Variants in C12orf42 observed in about 807,000 individuals in gnomAD.
C12orf42 encodes the protein chromosome 12 open reading frame 42.
Under a neutral mutation model 21.6 loss-of-function variants are expected in C12orf42, and 25 were observed. The ratio of observed to expected loss-of-function variants is 1.16; its 90% CI spans 0.84 to 1.62. C12orf42 has a LOEUF of 1.62. C12orf42 is among the 40% of genes most tolerant of loss of function. The pLI is 0.00. For synonymous variants in C12orf42, 174 were observed against 175.0 expected, an observed-to-expected ratio of 0.99 and a Z score of 0.05; for missense variants, 483 against 459.3, an observed-to-expected ratio of 1.05 and a Z score of -0.47.
At chr12:103,091,368 TC>T in the C12orf42 span, among the ~76,000 whole-genome samples, 2 of 149,296 alleles carry the variant, frequency 1.3e-5, no homozygotes, top group East Asian at 3.9e-4. Context: ...TGAAGTTTTT[TC>T]CCCCTCTTGC....
the C12orf42 span, among the ~76,000 whole-genome samples, chr12:103,108,107 A>G: frequency 4.0e-5 from 6 of 151,202 alleles, no homozygotes; most frequent in Non-Finnish European, 7.4e-5. Context: ...TTCCCCAAAA[A>G]CCTATTAAAA....
At chr12:103,325,979 GTA>G (rs1190775931) in intron 4 of C12orf42, among the ~76,000 whole-genome samples, 5 of 152,216 alleles carry the variant, frequency 3.3e-5, no homozygotes, top group Non-Finnish European at 7.3e-5. Flanking sequence ...ACAAGAAAGA[GTA>G]CATTGTGCTC....
At chr12:103,422,878 C>G (rs1428603575) in intron 2 of C12orf42, among the ~76,000 whole-genome samples, 1 of 149,396 alleles carries the variant, frequency 6.7e-6, no homozygotes, top group African/African-American at 2.5e-5. Context: ...AAAAATAAAA[C>G]AATGCTCTCA....
intron 2 of C12orf42, among the ~76,000 whole-genome samples, chr12:103,449,832 G>A (rs1951826477): frequency 6.7e-6 from 1 of 149,896 alleles, no homozygotes; most frequent in Non-Finnish European, 1.5e-5. Context: ...ATTCACTCAA[G>A]TGAAAATGCA....
the C12orf42 span, among the ~76,000 whole-genome samples, chr12:103,161,092 G>A: frequency 2.6e-5 from 4 of 152,280 alleles, no homozygotes; most frequent in African/African-American, 9.6e-5. Context: ...GACGCAAAAC[G>A]TGTAATGGAT....
chr12:103,184,114 T>C, the C12orf42 span, among the ~76,000 whole-genome samples: 1 of 152,232 alleles, frequency 6.6e-6, no homozygotes, highest in African/African-American at 2.4e-5. Flanking sequence ...TTATTTTCTG[T>C]CTATTAATTC....
chr12:103,425,283 C>T (rs1405554232), intron 2 of C12orf42, among the ~76,000 whole-genome samples: 1 of 152,200 alleles, frequency 6.6e-6, no homozygotes, highest in African/African-American at 2.4e-5. Context: ...AACATTCCTG[C>T]CTGCCAGCTC....
At chr12:103,090,423 CA>C in the C12orf42 span, among the ~76,000 whole-genome samples, 1 of 152,122 alleles carries the variant, frequency 6.6e-6, no homozygotes, top group African/African-American at 2.4e-5. Flanking sequence ...CTTGCTCCAG[CA>C]CTTACTAGAT....
the C12orf42 span, among the ~76,000 whole-genome samples, chr12:103,067,208 G>T: frequency 6.6e-6 from 1 of 152,142 alleles, no homozygotes; most frequent in African/African-American, 2.4e-5. Context: ...TCCAGATATG[G>T]GTTTGCCTAT....
chr12:103,384,134 A>G (rs757524918), intron 3 of C12orf42, among the ~76,000 whole-genome samples: 1 of 152,220 alleles, frequency 6.6e-6, no homozygotes, highest in Non-Finnish European at 1.5e-5. Context: ...TAATTTTACA[A>G]GTACATAATT....
the C12orf42 span, among the ~76,000 whole-genome samples, chr12:103,066,767 G>T: frequency 5.3e-5 from 8 of 152,294 alleles, no homozygotes; most frequent in South Asian, 1.2e-3. Flanking sequence ...GGGAAGAGTG[G>T]ATGGACCTCT....
chr12:103,272,006 T>A (rs1439051806), intron 5 of C12orf42, among the ~76,000 whole-genome samples: 3 of 152,180 alleles, frequency 2.0e-5, no homozygotes, highest in Admixed American at 2.0e-4. Context: ...TGTTTCCTCA[T>A]CTATGAAATG....
At chr12:103,312,002 A>G (rs751290307) in intron 4 of C12orf42, among the ~76,000 whole-genome samples, 26 of 152,334 alleles carry the variant, frequency 1.7e-4, no homozygotes, top group Non-Finnish European at 3.1e-4. Flanking sequence ...CTCCTCAGGT[A>G]TCTTTCTATC....
At chr12:103,404,493 C>T (rs1284876879) in intron 2 of C12orf42, among the ~76,000 whole-genome samples, 6 of 152,090 alleles carry the variant, frequency 3.9e-5, no homozygotes, top group African/African-American at 1.4e-4. Flanking sequence ...ATGAAGGTTG[C>T]TAAATGAAAG....
At chr12:103,232,207 C>A in the C12orf42 span, among the ~76,000 whole-genome samples, 1 of 152,004 alleles carries the variant, frequency 6.6e-6, no homozygotes, top group South Asian at 2.1e-4. Flanking sequence ...GATAACAGTC[C>A]TTTCTCAGAT....
At chr12:103,063,975 T>G in the C12orf42 span, among the ~76,000 whole-genome samples, 1 of 152,170 alleles carries the variant, frequency 6.6e-6, no homozygotes, top group Non-Finnish European at 1.5e-5. Flanking sequence ...ATAGTTTATT[T>G]GCTTGGTTAG....
the C12orf42 span, among the ~76,000 whole-genome samples, chr12:103,195,925 T>C: frequency 5.9e-5 from 9 of 152,240 alleles, no homozygotes; most frequent in Non-Finnish European, 1.2e-4. Context: ...TTAGGTTTTA[T>C]ATTTAAGTTT....
At chr12:103,123,208 C>G in the C12orf42 span, among the ~76,000 whole-genome samples, 35 of 152,244 alleles carry the variant, frequency 2.3e-4, no homozygotes, top group South Asian at 3.1e-3. Flanking sequence ...GTGACCCACA[C>G]CAATCCTAGA....
At chr12:103,100,791 T>C in the C12orf42 span, among the ~76,000 whole-genome samples, 1 of 152,196 alleles carries the variant, frequency 6.6e-6, no homozygotes, top group Non-Finnish European at 1.5e-5. Context: ...TTGGGCCATG[T>C]GGAGAGGCTT....
Sources: allele counts gnomAD v4.1 joint callset (sites outside exome capture counted in the v4.1 genomes callset), GRCh38; gene constraint gnomAD v4.1.1; transcripts MANE v1.5; gene names NCBI Gene and HGNC (gene_info 2026-07-23, HGNC 2026-07-21).